The following SYNE2 variants were observed in gnomAD, a reference collection of about 807,000 sequenced individuals.
SYNE2 encodes nesprin-2.
In SYNE2, 431 loss-of-function variants were observed where a neutral mutation model predicts 856.3. The ratio of observed to expected loss-of-function variants is 0.50; its 90% confidence interval spans 0.47 to 0.55. The LOEUF is 0.55. SYNE2 is among the 20% of genes least tolerant of loss of function. SYNE2 has a pLI of 0.00. For synonymous variants in SYNE2, 2,923 were observed against 2,872.3 expected (o/e 1.02, Z -0.56); for missense variants, 8,129 against 8,023.2 (o/e 1.01, Z -0.50).
intron 54 of SYNE2, among the ~76,000 whole-genome samples, chr14:64,077,839 G>C (rs190784685): frequency 6.6e-6 from 1 of 151,730 alleles, no homozygotes; most frequent in Non-Finnish European, 1.5e-5. Context: ...TAAGAGAATC[G>C]TTTAGATAAA....
intron 1 of SYNE2, among the ~76,000 whole-genome samples, chr14:63,831,484 T>C (rs971034261): frequency 1.3e-5 from 2 of 152,074 alleles, no homozygotes; most frequent in Non-Finnish European, 2.9e-5. Flanking sequence ...CTTCTATTTT[T>C]TTCTTGACAC....
intron 45 of SYNE2, among the ~76,000 whole-genome samples, chr14:64,035,997 A>G (rs1261643602): frequency 6.6e-6 from 1 of 151,850 alleles, no homozygotes; most frequent in Admixed American, 6.6e-5. Flanking sequence ...ATGGGTGGAA[A>G]ATTCAGATCC....
chr14:64,061,553 C>T (rs2097317320), intron 49 of SYNE2, among the ~76,000 whole-genome samples: 1 of 152,164 alleles, frequency 6.6e-6, no homozygotes, highest in African/African-American at 2.4e-5. Context: ...TTTTGCCAAT[C>T]TGATGAGTAA....
At position 64,070,732 on chromosome 14, in the gene SYNE2, C is replaced by T. The variant is rs368259835; in HGVS notation, c.10519C>T (p.Leu3507Phe). 22 of 1,614,090 alleles carry T rather than the reference C, an allele frequency of 1.4e-5. No homozygotes were observed. The African/African-American group carries it at 2.9e-4, about 22-fold the overall frequency. ...AAAAGAGGCAGCCACCACAGAGGAACTCTCTGAGCTGCTAGACTGTTTATG... is the reference window on the plus strand; with the variant it reads ...AAAAGAGGCAGCCACCACAGAGGAATTCTCTGAGCTGCTAGACTGTTTATG... ...KTKEAATTEE[L>F]SELLDCLCQY... The change falls in exon 52 of 116, where the codon CTC becomes TTC. Residue 3507 changes from leucine to phenylalanine, a missense_variant. This residue lies in a region of SYNE2 where 5,410 missense variants were observed against 5,284.8 expected (regional missense o/e 1.02). Coordinates refer to ENST00000555002, the MANE Select transcript of SYNE2 (RefSeq NM_182914.3).
At position 63,766,682 on chromosome 14, in the gene SYNE2, T is replaced by C. The variant is rs116519948; in HGVS notation, c.-305+4696T>C. Among the ~76,000 whole-genome samples, 477 of 152,316 alleles carry C rather than the reference T, an allele frequency of 3.1e-3. 1 individual carries two copies. The highest frequency in any genetic ancestry group is 0.011 in the African/African-American group (459 of 41,554). ...ACAGGAAGGAAATTCTGGGACAACGTTGTTTAAACTTTTCAGTCTGTAGAC... is the reference window on the plus strand; with the variant it reads ...ACAGGAAGGAAATTCTGGGACAACGCTGTTTAAACTTTTCAGTCTGTAGAC... On this transcript the variant is annotated intron_variant, in intron 1 of 23. Coordinates refer to the SYNE2 transcript ENST00000674003.
intron 9 of SYNE2, among the ~76,000 whole-genome samples, chr14:63,962,324 G>T (rs767311553): frequency 2.0e-5 from 3 of 152,024 alleles, no homozygotes; most frequent in Non-Finnish European, 4.4e-5. Flanking sequence ...CCAAAGTGCT[G>T]GGATTACAGG....
In SYNE2 at chr14:64,134,203, A is replaced by G; in HGVS notation, c.14646+3A>G. 1.2e-6 allele frequency: 2 copies of G among 1,613,944 alleles called. No individual in the cohort carries two copies. The highest frequency in any genetic ancestry group is 8.5e-7 in the Non-Finnish European group (1 of 1,179,874). ...TGGAAAGGATTTCATTTTACCAGGT[A>G]TTTGTCTTCCATTTAAGTTATCAAA... On this transcript the variant is annotated splice_donor_region_variant and intron_variant, in intron 78 of 115. Coordinates refer to ENST00000555002, the MANE Select transcript of SYNE2 (RefSeq NM_182914.3).
At position 64,163,519 on chromosome 14, in the gene SYNE2, C is replaced by G. The variant is rs1169333291; in HGVS notation, c.16417C>G (p.His5473Asp). 5 of 1,614,188 alleles carry G rather than the reference C, an allele frequency of 3.1e-6. No individual in the cohort carries two copies. In the South Asian group the frequency reaches 5.5e-5, roughly 18 times the overall value. The change falls in exon 89 of 116, where the codon CAC (histidine) becomes GAC (aspartate). Residue 5473 changes from histidine to aspartate, a missense_variant. This residue lies in a region of SYNE2 where 5,410 missense variants were observed against 5,284.8 expected (regional missense o/e 1.02). Coordinates refer to ENST00000555002, the MANE Select transcript of SYNE2 (RefSeq NM_182914.3). ...CCACATGCTCCTCCCGGGCCCCCTGCACTCTCTCCAGAGGGCTGCTTATTT... is the reference window on the plus strand; with the variant it reads ...CCACATGCTCCTCCCGGGCCCCCTGGACTCTCTCCAGAGGGCTGCTTATTT... ...STHMLLPGPL[H>D]SLQRAAYLEK...
intron 45 of SYNE2, among the ~76,000 whole-genome samples, chr14:64,044,771 G>A (rs1000271108): frequency 6.6e-6 from 1 of 152,114 alleles, no homozygotes; most frequent in Admixed American, 6.5e-5. Flanking sequence ...CTTTCTGCCT[G>A]CCGCCATTCA....
intron 38 of SYNE2, chr14:64,023,793 T>C (rs918064452): frequency 4.3e-6 from 1 of 233,234 alleles, no homozygotes; most frequent in African/African-American, 2.3e-5. Context: ...ATGGTACCAT[T>C]CTTTACTGAT....
rs140941258 is a variant in SYNE2 at position 64,010,284 on chromosome 14, G to A, written c.4728+168G>A. Among the ~76,000 whole-genome samples, 60 of 152,260 alleles carry A rather than the reference G, an allele frequency of 3.9e-4. 1 individual carries two copies. The South Asian group carries it at 6.8e-3, about 17-fold the overall frequency. ...ATTTGTTGTATTCATCACCAGGGCT[G>A]GAAAAAAGAAACAGTCACCAAGTTG... On this transcript the variant is annotated intron_variant, in intron 32 of 115. Transcript: ENST00000555002.
intron 106 of SYNE2, 197 bp downstream of exon 106, chr14:64,214,667 A>AG (rs1333675640): frequency 4.9e-6 from 3 of 617,146 alleles, no homozygotes; most frequent in Non-Finnish European, 8.5e-6. Flanking sequence ...GTGGAATGAA[A>AG]GGGGGAAAAA....
At chr14:63,824,155 A>G (rs1315860020) in intron 1 of SYNE2, among the ~76,000 whole-genome samples, 1 of 152,194 alleles carries the variant, frequency 6.6e-6, no homozygotes, top group Non-Finnish European at 1.5e-5. Context: ...CCTGGGCAAC[A>G]TAATCAAACC....
intron 1 of SYNE2, among the ~76,000 whole-genome samples, chr14:63,806,463 G>A (rs1888364799): frequency 6.6e-6 from 1 of 152,118 alleles, no homozygotes. Context: ...CCAAGTTTTG[G>A]TATCAGAGTG....
chr14:64,202,226 T>A (rs1222501659), intron 99 of SYNE2: 1 of 702,222 alleles, frequency 1.4e-6, no homozygotes, highest in South Asian at 1.5e-5. Context: ...CATGGGCTGG[T>A]TCAATGTATA....
chr14:63,788,039 G>A (rs1887603564), intron 1 of SYNE2, among the ~76,000 whole-genome samples: 1 of 152,196 alleles, frequency 6.6e-6, no homozygotes, highest in Non-Finnish European at 1.5e-5. Context: ...TCACGCTCGT[G>A]GGTGCCCAAA....
chr14:64,025,267 A>G lies in SYNE2; in HGVS notation c.6098A>G (p.Glu2033Gly). Residue 2033 changes from glutamate (E) to glycine (G), a missense_variant, in exon 41 of 116, where the codon GAG becomes GGG. Transcript: ENST00000555002. ...QTLLRQLSEI[E>G]EEDKLLPTED... ...TTACTGAGACAACTAAGTGAAATCG[A>G]GGAAGAGGATAAGTTACTACCCACA... The G allele has an allele frequency of 6.2e-7, 1 of 1,614,122 alleles. No homozygotes were observed. Among genetic ancestry groups the G allele is most frequent in the Non-Finnish European group, 8.5e-7 (1 of 1,179,990 alleles).
intron 1 of SYNE2, among the ~76,000 whole-genome samples, chr14:63,874,379 C>T (rs553005127): frequency 2.6e-5 from 4 of 152,316 alleles, no homozygotes; most frequent in Non-Finnish European, 4.4e-5. Context: ...CTCTGCTCCA[C>T]TGTCTCTGCT....
At chr14:63,991,403 T>C (rs943939047) in intron 21 of SYNE2, among the ~76,000 whole-genome samples, 35 of 152,238 alleles carry the variant, frequency 2.3e-4, no homozygotes, top group African/African-American at 7.7e-4. Context: ...TCTGGCTTTT[T>C]AATTTGTAAA....
Sources: gnomAD v4.1 joint callset for allele counts (sites outside exome capture counted in the v4.1 genomes callset) on GRCh38, gnomAD v4.1.1 for gene constraint, gnomAD v4.1.1 regional missense constraint, MANE v1.5 for transcripts, NCBI Gene and HGNC (gene_info 2026-07-23, HGNC 2026-07-21) for gene names.